The following LMLN variants were observed in gnomAD, a reference collection of about 807,000 sequenced individuals.
LMLN encodes the protein leishmanolysin-like peptidase.
In LMLN, 70 loss-of-function variants were observed where a neutral mutation model predicts 92.3. The ratio of observed to expected loss-of-function variants is 0.76; its 90% CI spans 0.63 to 0.92. LMLN has a LOEUF of 0.92. Among genes scored for constraint, LMLN ranks in the 40% least tolerant of loss-of-function variants. LMLN has a pLI of 0.00. For missense variants in LMLN, 691 were observed against 814.6 expected (o/e 0.85, Z 1.85); for synonymous variants, 308 against 296.2 (o/e 1.04, Z -0.41).
intron 6 of LMLN, among the ~76,000 whole-genome samples, chr3:197,981,605 A>G (rs1486304184): frequency 6.6e-6 from 1 of 152,218 alleles, no homozygotes; most frequent in Non-Finnish European, 1.5e-5. Flanking sequence ...AAAGATTTCA[A>G]ACATTTTTCC....
intron 9 of LMLN, among the ~76,000 whole-genome samples, chr3:197,993,278 GAAAT>G (rs1240726981): frequency 1.3e-5 from 2 of 152,198 alleles, no homozygotes; most frequent in East Asian, 3.9e-4. Flanking sequence ...TCAGGCCATA[GAAAT>G]AAATAAAAGG....
intron 8 of LMLN, among the ~76,000 whole-genome samples, chr3:197,986,792 G>A (rs1721719360): frequency 5.9e-5 from 9 of 151,932 alleles, no homozygotes; most frequent in Admixed American, 5.9e-4. Flanking sequence ...TGATTATAAG[G>A]GTGTTTAGTA....
intron 15 of LMLN, among the ~76,000 whole-genome samples, chr3:198,037,702 A>C (rs1260959649): frequency 2.0e-5 from 3 of 152,218 alleles, no homozygotes; most frequent in Non-Finnish European, 2.9e-5. Context: ...CTCATCCTAA[A>C]ATAAGGTCAG....
chr3:198,000,846 G>C (rs1177637323), intron 11 of LMLN, among the ~76,000 whole-genome samples: 1 of 152,178 alleles, frequency 6.6e-6, no homozygotes, highest in Non-Finnish European at 1.5e-5. Flanking sequence ...CTGAGCTAAG[G>C]CTTCATGAAA....
intron 11 of LMLN, among the ~76,000 whole-genome samples, chr3:198,002,268 T>G (rs1213554967): frequency 6.6e-6 from 1 of 152,010 alleles, no homozygotes; most frequent in African/African-American, 2.4e-5. Context: ...ACTGAGACTA[T>G]AAGTACACAC....
chr3:198,006,754 C>G (rs1202526373), intron 11 of LMLN, among the ~76,000 whole-genome samples: 1 of 151,860 alleles, frequency 6.6e-6, no homozygotes, highest in Non-Finnish European at 1.5e-5. Flanking sequence ...GCTCCGTCAC[C>G]CAGGCTGGAG....
chr3:197,993,135 G>A (rs1721921410), intron 9 of LMLN, among the ~76,000 whole-genome samples: 2 of 150,662 alleles, frequency 1.3e-5, no homozygotes, highest in South Asian at 2.1e-4. Context: ...AGATACCTCA[G>A]CACAATAAAG....
At chr3:197,960,492 G>A in intron 1 of LMLN, 52 bp downstream of exon 1, 1 of 1,537,406 alleles carries the variant, frequency 6.5e-7, no homozygotes, top group Non-Finnish European at 8.9e-7. Context: ...TCACCCAGAA[G>A]GAGCAGGCGT....
rs925068544 is a variant in LMLN at position 198,042,183 on chromosome 3, A to G, written c.*3516A>G. On this transcript the variant is annotated 3_prime_UTR_variant, in exon 16 of 16. Coordinates refer to ENST00000330198, the Ensembl canonical transcript of LMLN. This position sits in a 1 kb window ranked among gnomAD's most constrained non-coding sequence, Gnocchi z 4.2. ...CTGCATAGTGTACCCAGCAAGACTT[A>G]GAAGGACACTGAACCTGTCAGAGAT... The G allele has an allele frequency of 6.6e-6, 1 of 152,222 alleles. No individual in the cohort carries two copies. The highest frequency in any genetic ancestry group is 1.5e-5 in the Non-Finnish European group (1 of 68,058). The allele number at this position is 152,222 out of a possible 1,614,324, so 9.4% of individuals were successfully genotyped here.
At chr3:198,012,067 A>G (rs923407322) in intron 11 of LMLN, among the ~76,000 whole-genome samples, 9 of 152,062 alleles carry the variant, frequency 5.9e-5, no homozygotes, top group Non-Finnish European at 1.2e-4. Context: ...TGTTTTTTTT[A>G]TTTTTTAAAT....
intron 5 of LMLN, among the ~76,000 whole-genome samples, chr3:197,978,107 A>C (rs6605323): frequency 0.37 from 52,568 of 142,990 alleles, 13,742 homozygotes; most frequent in African/African-American, 0.76. Flanking sequence ...CACGTTAAAT[A>C]TGGATACATA....
rs546432122 is a variant in LMLN, at chr3:198,014,251, C to T, written c.1233-5002C>T. ...TCTGACTTCTCTGTATCCTTCAGAG[C>T]CCCCTAACTAGTCTGACTTCTCTCC... is the stretch of plus-strand genomic sequence containing the variant. On this transcript the variant is annotated intron_variant, in intron 11 of 15. Coordinates refer to ENST00000330198, the Ensembl canonical transcript of LMLN. Among the ~76,000 whole-genome samples the T allele has an allele frequency of 6.9e-5, 10 of 145,346 alleles. 1 individual carries two copies. Among genetic ancestry groups the T allele is most frequent in the African/African-American group, 1.8e-4 (7 of 37,912 alleles).
Position 197,971,367 on chromosome 3 carries a change from C to A in LMLN, c.220-3010C>A, listed in dbSNP as rs7426930. Among the ~76,000 whole-genome samples the A allele has an allele frequency of 4.8e-3, 736 of 152,280 alleles. 8 individuals are homozygous for A. Among genetic ancestry groups the A allele is most frequent in the African/African-American group, 0.017 (687 of 41,546 alleles). On this transcript the variant is annotated intron_variant, in intron 1 of 15. Coordinates refer to ENST00000330198, the Ensembl canonical transcript of LMLN. ...GCCAGAGGCTTGCTTATAAAACCAT[C>A]AGATCTTGTGAGAACTCACTATCAT...
intron 1 of LMLN, among the ~76,000 whole-genome samples, chr3:197,964,385 T>G (rs1189151352): frequency 1.3e-5 from 2 of 151,630 alleles, no homozygotes; most frequent in African/African-American, 4.8e-5. Flanking sequence ...GTTAAAATTT[T>G]TTTTTTGTTT....
chr3:197,975,296 T>C (rs1216240324), intron 3 of LMLN, among the ~76,000 whole-genome samples: 1 of 152,228 alleles, frequency 6.6e-6, no homozygotes, highest in African/African-American at 2.4e-5. Context: ...TGATAATCAG[T>C]TTTCTCATTT....
intron 9 of LMLN, among the ~76,000 whole-genome samples, chr3:197,993,942 ATTAAT>A (rs1158051775): frequency 1.3e-5 from 2 of 152,172 alleles, no homozygotes; most frequent in Admixed American, 6.5e-5. Context: ...ATAAATTATG[ATTAAT>A]TTATTGACTT....
At chr3:197,977,263 C>G (rs7427316) in intron 5 of LMLN, among the ~76,000 whole-genome samples, 56,486 of 151,854 alleles carry the variant, frequency 0.37, 14,780 homozygotes, top group African/African-American at 0.75. Context: ...AGATGTTTAA[C>G]CTCTTACATG....
chr3:197,972,040 C>T lies in LMLN; in HGVS notation c.220-2337C>T, dbSNP rs897700302. 2.0e-5 allele frequency among the ~76,000 whole-genome samples: 3 copies of T among 148,642 alleles called. No individual in the cohort carries two copies. The Admixed American group carries it at 2.0e-4, about 10-fold the overall frequency. On this transcript the variant is annotated intron_variant, in intron 1 of 15. Transcript: ENST00000330198. ...TCTTCAAGTTCACTGATGCTTCTGC[C>T]ATCTCCAATCTTCTTTTAATTCTTT...
At chr3:197,979,689 A>G (rs1721503178) in intron 5 of LMLN, among the ~76,000 whole-genome samples, 1 of 152,012 alleles carries the variant, frequency 6.6e-6, no homozygotes, top group Admixed American at 6.6e-5. Context: ...GGTGGCAGGC[A>G]CCTGTAATCC....
Sources: gnomAD v4.1 joint callset for allele counts (sites outside exome capture counted in the v4.1 genomes callset) on GRCh38, gnomAD v4.1.1 for gene constraint, Gnocchi (gnomAD v3.1) non-coding constraint, MANE v1.5 for transcripts, NCBI Gene and HGNC (gene_info 2026-07-23, HGNC 2026-07-21) for gene names.